GCN1: variants seen among roughly 807,000 people sequenced by gnomAD.
GCN1 encodes GCN1 activator of EIF2AK4, also known as stalled ribosome sensor GCN1.
A neutral mutation model predicts 288.4 loss-of-function variants in GCN1; 90 were observed. The observed-to-expected ratio is 0.31, with a 90% CI of 0.26 to 0.37. GCN1 has a LOEUF of 0.37. Ranked by LOEUF, GCN1 falls within the 10% of genes least tolerant of loss-of-function variation. The pLI is 1.00. For missense variants in GCN1, 2,586 were observed against 3,419.9 expected, an observed-to-expected ratio of 0.76 and a Z score of 6.08; for synonymous variants, 1,386 against 1,420.2, an observed-to-expected ratio of 0.98 and a Z score of 0.54.
At chr12:120,163,549 C>T (rs934054221) in intron 18 of GCN1, among the ~76,000 whole-genome samples, 1 of 152,176 alleles carries the variant, frequency 6.6e-6, no homozygotes. Flanking sequence ...CACTGGCCCA[C>T]ATTCCTCAAC....
intron 42 of GCN1, 86 bp from the exon 43 acceptor site, chr12:120,143,027 T>C (rs1458313906): frequency 5.2e-6 from 4 of 773,506 alleles, no homozygotes; most frequent in Non-Finnish European, 9.1e-6. Context: ...TGGAAAGAAG[T>C]GCACCCAAAA....
In GCN1 at chr12:120,174,043, G is replaced by A. The variant is rs370402688; in HGVS notation, c.1192+28C>T. The A allele has an allele frequency of 5.2e-5, 69 of 1,325,618 alleles. 1 individual carries two copies. In the Admixed American group the frequency reaches 7.4e-4, roughly 14 times the overall value. The allele number at this position is 1,325,618 out of a possible 1,614,324, so 82.1% of individuals were successfully genotyped here. A position where few individuals can be genotyped will look rare whatever the true frequency, so the allele number is the denominator to read the frequency against. ...CCACGGTCAAGGATGAGTACAGAAC[G>A]CATGCTCACCATGTTGCACAGAATT... On this transcript the variant is annotated intron_variant, in intron 13 of 57. Transcript: ENST00000300648.
chr12:120,133,418 G>C (rs945878725), intron 53 of GCN1, among the ~76,000 whole-genome samples: 6 of 152,158 alleles, frequency 3.9e-5, no homozygotes, highest in African/African-American at 1.4e-4. Context: ...GAGGCTGATG[G>C]AACTGGGACA....
chr12:120,177,872 G>T (rs1489151860), intron 7 of GCN1, 120 bp from the exon 8 acceptor site: 2 of 772,504 alleles, frequency 2.6e-6, no homozygotes, highest in African/African-American at 3.4e-5. Context: ...AAATTTCAGT[G>T]TTAAGCATAG....
At chr12:120,181,933 G>C (rs1205086050) in intron 5 of GCN1, among the ~76,000 whole-genome samples, 1 of 151,640 alleles carries the variant, frequency 6.6e-6, no homozygotes, top group East Asian at 1.9e-4. Flanking sequence ...GATCACCTGA[G>C]GTCAGGAGTT....
chr12:120,139,009 T>A (rs1594261697), intron 45 of GCN1, 153 bp from the exon 46 acceptor site: 1 of 608,676 alleles, frequency 1.6e-6, no homozygotes. Flanking sequence ...TACTGTGAAA[T>A]AAAAAAAAGG....
intron 16 of GCN1, among the ~76,000 whole-genome samples, chr12:120,166,201 G>A (rs999074129): frequency 3.3e-5 from 5 of 151,798 alleles, no homozygotes; most frequent in Non-Finnish European, 4.4e-5. Flanking sequence ...TCAGGAGTTC[G>A]AGACCAGCCT....
chr12:120,139,959 G>T (rs1877136936), intron 45 of GCN1, among the ~76,000 whole-genome samples: 3 of 152,226 alleles, frequency 2.0e-5, no homozygotes, highest in African/African-American at 7.2e-5. Flanking sequence ...CTAATGACTG[G>T]TTGGCATGTG....
Position 120,162,030 on chromosome 12 carries a change from G to A in GCN1, c.2192C>T (p.Ser731Phe). 8 of 1,613,260 alleles carry A rather than the reference G, an allele frequency of 5.0e-6. 1 individual carries two copies. Among genetic ancestry groups the A allele is most frequent in the Non-Finnish European group, 6.8e-6 (8 of 1,180,024 alleles). Reference protein sequence around the residue: ...QSSMNAMGSLSVLSPDRVLPQ... With the variant: ...QSSMNAMGSLFVLSPDRVLPQ... ...GAGGACCCGGTCCGGCGACAGGACG[G>A]AAAGGGAGCCCATGGCATTCATGGA... The change falls in exon 21 of 58, where the codon TCC becomes TTC. Residue 731 changes from serine (S) to phenylalanine (F), a missense_variant. Physicochemically the swap from Ser to Phe is radical, Grantham distance 155 (BLOSUM62 -2). Transcript: ENST00000300648.
At position 120,170,314 on chromosome 12, in the gene GCN1, C is replaced by T. The variant is rs749053689; in HGVS notation, c.1374G>A (p.Thr458=). 3.3e-5 allele frequency: 54 copies of T among 1,613,872 alleles called. No homozygotes were observed. The highest frequency in any genetic ancestry group is 1.5e-4 in the Admixed American group (9 of 60,000). The change falls in exon 15 of 58, where the codon ACG becomes ACA. Residue 458 remains threonine (T), a synonymous_variant. Coordinates refer to ENST00000300648, the MANE Select transcript of GCN1 (RefSeq NM_006836.2). ...GCAGTAAGTCCAGGGCCTGCAACAG[C>T]GTGTCACCTGTGGAGAGAGGACAAG... ...QCMLASYRGD[T]LLQALDLLPL...
chr12:120,178,824 T>C (rs371103125), intron 6 of GCN1, 28 bp downstream of exon 6: 11 of 1,613,140 alleles, frequency 6.8e-6, no homozygotes, highest in Non-Finnish European at 9.3e-6. Context: ...GAAGAAGCAA[T>C]GCCCACCAGC....
rs772551348 is a variant in GCN1, at chr12:120,173,823, T to G, written c.1196A>C (p.His399Pro). Residue 399 changes from histidine to proline, a missense_variant, in exon 14 of 58, where the codon CAT becomes CCT. By Grantham distance (77) the His-to-Pro change is moderately conservative. This residue lies in a region of GCN1 where 913 missense variants were observed against 1,107.0 expected (regional missense o/e 0.82). Transcript: ENST00000300648. ...LFIPFLQQEV[H>P]EGTLVHAVSV... ...GACAGCGTGTACCAAGGTCCCTTCA[T>G]GAACTAGGGCAAAAAGCAGAAGTCC... 1 of 1,613,154 alleles carries G rather than the reference T, an allele frequency of 6.2e-7. No individual in the cohort carries two copies. Among genetic ancestry groups the G allele is most frequent in the African/African-American group, 1.3e-5 (1 of 74,890 alleles).
intron 54 of GCN1, 112 bp downstream of exon 54, chr12:120,131,814 G>T: frequency 1.4e-6 from 1 of 714,578 alleles, no homozygotes; most frequent in South Asian, 1.6e-5. Context: ...CCCAAGGAAA[G>T]GACAGTCCAG....
chr12:120,182,547 T>C (rs1878698613), intron 5 of GCN1, among the ~76,000 whole-genome samples: 1 of 152,194 alleles, frequency 6.6e-6, no homozygotes, highest in African/African-American at 2.4e-5. Flanking sequence ...GCGACAACTC[T>C]TTGAGGTGGA....
In GCN1 at chr12:120,138,413, A is replaced by C; in HGVS notation, c.6159T>G (p.Asp2053Glu). 1 of 1,594,242 alleles carries C rather than the reference A, an allele frequency of 6.3e-7. No homozygotes were observed. Among genetic ancestry groups the C allele is most frequent in the South Asian group, 1.1e-5 (1 of 90,690 alleles). Reference protein sequence around the residue: ...DILPFLLKQLDDEEVSEFALD... With the variant: ...DILPFLLKQLEDEEVSEFALD... Reference sequence around the variant, plus strand: ...AGGCAAACTCTGACACCTCCTCGTCATCCTGCAGAGGGTGTTGGGGACAAC... The same window carrying C: ...AGGCAAACTCTGACACCTCCTCGTCCTCCTGCAGAGGGTGTTGGGGACAAC... The change falls in exon 47 of 58, where the codon GAT (aspartate) becomes GAG (glutamate). Residue 2053 changes from aspartate to glutamate, a missense_variant and splice_region_variant. By Grantham distance (45) the Asp-to-Glu change is conservative. This residue lies in a region of GCN1 where 437 missense variants were observed against 570.5 expected (regional missense o/e 0.77). Coordinates refer to ENST00000300648, the MANE Select transcript of GCN1 (RefSeq NM_006836.2).
chr12:120,145,788 G>A (rs1877343578), intron 38 of GCN1, among the ~76,000 whole-genome samples: 1 of 152,126 alleles, frequency 6.6e-6, no homozygotes, highest in African/African-American at 2.4e-5. Flanking sequence ...GTTCACTGCA[G>A]CATCACTTAA....
In GCN1 at chr12:120,178,884, C is replaced by T. The variant is rs1166808426; in HGVS notation, c.493G>A (p.Ala165Thr). Residue 165 changes from alanine to threonine, a missense_variant, in exon 6 of 58, where the codon GCT (alanine) becomes ACT (threonine). Physicochemically the swap from Ala to Thr is moderately conservative, Grantham distance 58. Around this residue, in one of 8 missense-constraint regions of GCN1, gnomAD observed 913 missense variants for 1,107.0 expected, o/e 0.82. Transcript: ENST00000300648. ...CACAGCTTCGTGAGTTTCTTCACAG[C>T]ACCATCCACGGCGTGCTTGTGGGAG... ...GGSHKHAVDG[A>T]VKKLTKLWKE... is the part of the protein sequence containing the mutation. 1 of 1,614,186 alleles carries T rather than the reference C, an allele frequency of 6.2e-7. No individual in the cohort carries two copies. The highest frequency in any genetic ancestry group is 8.5e-7 in the Non-Finnish European group (1 of 1,180,024).
intron 16 of GCN1, among the ~76,000 whole-genome samples, chr12:120,166,609 CAGG>C: frequency 6.8e-6 from 1 of 147,274 alleles, no homozygotes; most frequent in African/African-American, 2.5e-5. Context: ...GAGGCTGAGG[CAGG>C]AGAATGGCGT....
In GCN1 at chr12:120,175,172, G is replaced by A. The variant is rs1878441350; in HGVS notation, c.1083C>T (p.Ser361=). 4.0e-6 allele frequency: 6 copies of A among 1,502,356 alleles called. No homozygotes were observed. The highest frequency in any genetic ancestry group is 3.7e-6 in the Non-Finnish European group (4 of 1,084,146). The allele number at this position is 1,502,356 out of a possible 1,614,324, so 93.1% of individuals were successfully genotyped here. The change falls in exon 12 of 58, where the codon AGC becomes AGT. Residue 361 remains serine, a synonymous_variant. Coordinates refer to ENST00000300648, the MANE Select transcript of GCN1 (RefSeq NM_006836.2). The part of the protein sequence containing the change: ...GKLTVVAQKM[S]VLSGIGSVSH... ...AAAGAAATCCTATACCTGAGAGGAC[G>A]CTCATCTTCTGGGCTACAACAGTTA...
Sources: gnomAD v4.1 joint callset for allele counts (sites outside exome capture counted in the v4.1 genomes callset) on GRCh38, gnomAD v4.1.1 for gene constraint, gnomAD v4.1.1 regional missense constraint, MANE v1.5 for transcripts, NCBI Gene and HGNC (gene_info 2026-07-23, HGNC 2026-07-21) for gene names.